Variants in SPHK2 observed in about 807,000 individuals in gnomAD.
SPHK2 encodes the protein sphingosine kinase 2.
SPHK2 carries 18 observed loss-of-function variants against 32.3 expected under a neutral mutation model. That is an observed-to-expected ratio of 0.56 (90% CI 0.39 to 0.83). The LOEUF is 0.83. SPHK2 is among the 40% of genes least tolerant of loss of function. The probability of loss-of-function intolerance (pLI) is 0.00; values close to 1 mark genes in which losing one functional copy is unlikely to be tolerated. For synonymous variants in SPHK2, 462 were observed against 417.6 expected (o/e 1.11, Z -1.30); for missense variants, 850 against 908.7 (o/e 0.94, Z 0.83).
intron 2 of SPHK2, chr19:48,625,234 C>T: frequency 1.9e-6 from 2 of 1,072,088 alleles, no homozygotes; most frequent in East Asian, 9.6e-5. Context: ...CTCTGTCTTG[C>T]CTTTCTCGTT....
intron 4 of SPHK2, 24 bp downstream of exon 4, chr19:48,627,865 C>G (rs750561716): frequency 1.3e-6 from 2 of 1,599,646 alleles, no homozygotes; most frequent in African/African-American, 2.7e-5. Context: ...AGAATGGGAG[C>G]TGGGGGCTGG....
chr19:48,623,907 A>G (rs962495094), intron 2 of SPHK2: 1 of 152,180 alleles, frequency 6.6e-6, no homozygotes, highest in East Asian at 1.9e-4. Flanking sequence ...GTCCGAAAAA[A>G]AAGTATCCTT....
rs753266132 is a variant in SPHK2, at chr19:48,626,258, G to A, written c.407G>A (p.Arg136Gln). The A allele has an allele frequency of 9.4e-6, 15 of 1,593,902 alleles. No individual in the cohort carries two copies. The highest frequency in any genetic ancestry group is 2.7e-5 in the African/African-American group (2 of 74,744). Reference protein sequence around the residue: ...GARRRATRTFRADGAATYEEN... With the variant: ...GARRRATRTFQADGAATYEEN... ...CGGCGCAGAGCCACTCGCACCTTCC[G>A]GGCAGATGGGGCCGCCACCTACGAA... The change falls in exon 3 of 7, where the codon CGG (arginine) becomes CAG (glutamine). Residue 136 changes from arginine to glutamine, a missense_variant. By Grantham distance (43) the Arg-to-Gln change is conservative. Transcript: ENST00000245222.
rs766493544 is a variant in SPHK2 at position 48,629,797 on chromosome 19, C to T, written c.*24C>T. 2.0e-6 allele frequency: 3 copies of T among 1,534,178 alleles called. No homozygotes were observed. The highest frequency in any genetic ancestry group is 2.6e-6 in the Non-Finnish European group (3 of 1,138,746). ...GAAACTAAACAAGCTTGGTACCCGC[C>T]GGGGGCGGGGCCTACATTCCAATGG... is the stretch of plus-strand genomic sequence containing the variant. On this transcript the variant is annotated 3_prime_UTR_variant, in exon 7 of 7. Coordinates refer to ENST00000245222, the MANE Select transcript of SPHK2 (RefSeq NM_020126.5).
Position 48,629,004 on chromosome 19 carries a change from C to T in SPHK2, c.1196C>T (p.Ser399Leu), listed in dbSNP as rs1436742527. The T allele has an allele frequency of 1.9e-6, 3 of 1,613,594 alleles. No homozygotes were observed. The highest frequency in any genetic ancestry group is 1.7e-6 in the Non-Finnish European group (2 of 1,179,934). ...GCCCATAGCCTGCCTCGTGCCAAGTCGGAGCTGACCCTAACCCCAGACCCA... is the reference window on the plus strand; with the variant it reads ...GCCCATAGCCTGCCTCGTGCCAAGTTGGAGCTGACCCTAACCCCAGACCCA... ...TPAHSLPRAK[S>L]ELTLTPDPAP... Residue 399 changes from serine (S) to leucine (L), a missense_variant, in exon 7 of 7, where the codon TCG becomes TTG. By Grantham distance (145) the Ser-to-Leu change is moderately radical (BLOSUM62 -2). This residue lies in a region of SPHK2 where 544 missense variants were observed against 640.0 expected (regional missense o/e 0.85). Transcript: ENST00000245222.
At chr19:48,627,900 A>G in intron 4 of SPHK2, 59 bp downstream of exon 4, 1 of 1,570,526 alleles carries the variant, frequency 6.4e-7, no homozygotes, top group Middle Eastern at 1.7e-4. Context: ...AAGGGAGCAA[A>G]GTGGTGGGTG....
rs1391935754 is a variant in SPHK2 at position 48,629,776 on chromosome 19, C to G, written c.*3C>G. The G allele has an allele frequency of 6.4e-7, 1 of 1,559,386 alleles. No individual in the cohort carries two copies. The highest frequency in any genetic ancestry group is 8.7e-7 in the Non-Finnish European group (1 of 1,150,352). On this transcript the variant is annotated 3_prime_UTR_variant, in exon 7 of 7. Transcript: ENST00000245222. ...GCTGCCCGGGGCGGGAGCCCTGAAACTAAACAAGCTTGGTACCCGCCGGGG... is the reference window on the plus strand; with the variant it reads ...GCTGCCCGGGGCGGGAGCCCTGAAAGTAAACAAGCTTGGTACCCGCCGGGG...
intron 1 of SPHK2, 152 bp from the exon 2 acceptor site, chr19:48,620,250 G>A (rs1296532993): frequency 2.2e-6 from 1 of 464,144 alleles, no homozygotes; most frequent in East Asian, 3.3e-5. Flanking sequence ...CAACCAGATG[G>A]ACTGGCTGGG....
At chr19:48,626,384 C>G (rs757295531) in intron 3 of SPHK2, 22 bp downstream of exon 3, 10 of 1,545,534 alleles carry the variant, frequency 6.5e-6, no homozygotes, top group Non-Finnish European at 8.6e-6. Flanking sequence ...GGCAGCTGCT[C>G]TATCCTGGAG....
intron 2 of SPHK2, chr19:48,624,346 CG>C (rs1359904246): frequency 6.6e-6 from 1 of 152,456 alleles, no homozygotes; most frequent in Non-Finnish European, 1.5e-5. Context: ...ATTGGCTGAG[CG>C]GATGCACACC....
Position 48,629,555 on chromosome 19 carries a change from CT to C in SPHK2, c.1751del (p.Phe584SerfsTer27). The C allele has an allele frequency of 6.2e-7, 1 of 1,602,616 alleles. No individual in the cohort carries two copies. The highest frequency in any genetic ancestry group is 1.1e-5 in the South Asian group (1 of 89,814). ...CATCTCGCGGGCTGCGCTGCTGCGC[CT>C]TTTCTTGGCCATGGAGCGTGGTAGC... ...SGISRAALLR[L>X]FLAMERGSHF... On this transcript the variant is annotated frameshift_variant, in exon 7 of 7. Transcript: ENST00000245222. LOFTEE classifies it high-confidence loss of function.
intron 2 of SPHK2, among the ~76,000 whole-genome samples, chr19:48,622,662 T>C (rs1241349127): frequency 6.6e-6 from 1 of 152,040 alleles, no homozygotes; most frequent in Non-Finnish European, 1.5e-5. Flanking sequence ...TCCGTGTCAT[T>C]CCTTGGCACA....
chr19:48,622,779 TTTTTG>T (rs1974457273), intron 2 of SPHK2, among the ~76,000 whole-genome samples: 1 of 146,726 alleles, frequency 6.8e-6, no homozygotes, highest in African/African-American at 2.5e-5. Context: ...TTTTTTTTTT[TTTTTG>T]AGACAGAGTC....
chr19:48,621,764 G>A (rs1974414984), intron 2 of SPHK2, among the ~76,000 whole-genome samples: 1 of 152,164 alleles, frequency 6.6e-6, no homozygotes, highest in Non-Finnish European at 1.5e-5. Context: ...GAGAAACAAA[G>A]ACAGTTATTC....
rs898255610 is a variant in SPHK2 at position 48,630,300 on chromosome 19, C to T, written c.*527C>T. 4.9e-5 allele frequency: 63 copies of T among 1,285,952 alleles called. No homozygotes were observed. The highest frequency in any genetic ancestry group is 7.5e-5 in the Admixed American group (2 of 26,518). The allele number at this position is 1,285,952 out of a possible 1,614,324, so 79.7% of individuals were successfully genotyped here. On this transcript the variant is annotated 3_prime_UTR_variant, in exon 7 of 7. Transcript: ENST00000245222. This position sits in a 1 kb window ranked among gnomAD's most constrained non-coding sequence, Gnocchi z 4.9. The stretch of plus-strand genomic sequence containing the variant: ...ATGTTCCTCTCCCCGCGGGTGGGGG[C>T]GGGGAAATTCATATCCCCTGTTCGT...
rs2030223278 is a variant in SPHK2 at position 48,628,628 on chromosome 19, C to T, written c.873-53C>T. On this transcript the variant is annotated intron_variant, in intron 6 of 6. Transcript: ENST00000245222. The surrounding 1 kb of genome is among the most constrained non-coding windows in gnomAD (Gnocchi z 5.2). ...CTGCTTTCCTACCTGTCTCTTTCCCCAACCCCTGTTTGCTCCTTCCTTCTG... is the reference window on the plus strand; with the variant it reads ...CTGCTTTCCTACCTGTCTCTTTCCCTAACCCCTGTTTGCTCCTTCCTTCTG... 1 of 1,588,736 alleles carries T rather than the reference C, an allele frequency of 6.3e-7. No individual in the cohort carries two copies.
Position 48,628,155 on chromosome 19 carries a change from C to T in SPHK2, c.757-7C>T, listed in dbSNP as rs768279647. 2 of 1,610,960 alleles carry T rather than the reference C, an allele frequency of 1.2e-6. No individual in the cohort carries two copies. The highest frequency in any genetic ancestry group is 1.7e-6 in the Non-Finnish European group (2 of 1,178,196). On this transcript the variant is annotated splice_region_variant and splice_polypyrimidine_tract_variant and intron_variant, in intron 5 of 6. Coordinates refer to ENST00000245222, the MANE Select transcript of SPHK2 (RefSeq NM_020126.5). The surrounding 1 kb of genome is among the most constrained non-coding windows in gnomAD (Gnocchi z 5.2). Reference sequence around the variant, plus strand: ...AGGACCCAGGCTTCTGGTCTCCCACCCTCCAGGTGCTGAACGGGCTCCTAG... The same window carrying T: ...AGGACCCAGGCTTCTGGTCTCCCACTCTCCAGGTGCTGAACGGGCTCCTAG...
intron 2 of SPHK2, chr19:48,624,761 T>C (rs1255296284): frequency 1.4e-5 from 4 of 277,302 alleles, no homozygotes; most frequent in Non-Finnish European, 2.2e-5. Context: ...GATTTGAGGT[T>C]CCCATAATGG....
Position 48,630,134 on chromosome 19 carries a change from A to C in SPHK2, c.*361A>C. The C allele has an allele frequency of 8.0e-7, 1 of 1,252,066 alleles. No individual in the cohort carries two copies. The highest frequency in any genetic ancestry group is 1.0e-6 in the Non-Finnish European group (1 of 995,926). The allele number at this position is 1,252,066 out of a possible 1,614,324, so 77.6% of individuals were successfully genotyped here. A position where few individuals can be genotyped will look rare whatever the true frequency, so the allele number is the denominator to read the frequency against. On this transcript the variant is annotated 3_prime_UTR_variant, in exon 7 of 7. Coordinates refer to ENST00000245222, the MANE Select transcript of SPHK2 (RefSeq NM_020126.5). The surrounding 1 kb of genome is among the most constrained non-coding windows in gnomAD (Gnocchi z 4.9). Reference sequence around the variant, plus strand: ...GCGTCGCCCAATGACAGGACCTGGAATGTACTGGCTGGGGTAGGCCTCAGT... The same window carrying C: ...GCGTCGCCCAATGACAGGACCTGGACTGTACTGGCTGGGGTAGGCCTCAGT...
Sources: gnomAD v4.1 joint callset for allele counts (sites outside exome capture counted in the v4.1 genomes callset) on GRCh38, gnomAD v4.1.1 for gene constraint, gnomAD v4.1.1 regional missense constraint, Gnocchi (gnomAD v3.1) non-coding constraint, MANE v1.5 for transcripts, NCBI Gene and HGNC (gene_info 2026-07-23, HGNC 2026-07-21) for gene names.